Variants in DDX51 observed in about 807,000 individuals in gnomAD.
DDX51 encodes DEAD-box helicase 51.
DDX51 carries 67 observed loss-of-function variants against 74.6 expected under a neutral mutation model. That is an observed-to-expected ratio of 0.90 (90% confidence interval 0.74 to 1.10). The LOEUF is 1.10. Among genes scored for constraint, DDX51 ranks in the 50% least tolerant of loss-of-function variants. The pLI, the probability that DDX51 is intolerant of heterozygous loss-of-function variation, is 0.00. For synonymous variants in DDX51, 545 were observed against 402.9 expected, an observed-to-expected ratio of 1.35 and a Z score of -4.22; for missense variants, 1,056 against 905.2, an observed-to-expected ratio of 1.17 and a Z score of -2.14.
In DDX51 at chr12:132,143,912, G is replaced by A. The variant is rs1209753456; in HGVS notation, c.305-3C>T. 2.0e-6 allele frequency: 3 copies of A among 1,515,580 alleles called. No individual in the cohort carries two copies. Among genetic ancestry groups the A allele is most frequent in the South Asian group, 1.2e-5 (1 of 82,358 alleles). 93.9% of individuals were successfully genotyped at this position (1,515,580 alleles called of 1,614,324 possible). On this transcript the variant is annotated splice_polypyrimidine_tract_variant and splice_region_variant and intron_variant, in intron 1 of 14. Coordinates refer to ENST00000397333, the MANE Select transcript of DDX51 (RefSeq NM_175066.4). ...CCCTGGCGCCTCCTCGTTGCTTTCTGCGAGGCAGACACCCACCCGGCAGCG... is the reference window on the plus strand; with the variant it reads ...CCCTGGCGCCTCCTCGTTGCTTTCTACGAGGCAGACACCCACCCGGCAGCG...
Position 132,143,998 on chromosome 12 carries a change from C to T in DDX51, c.299G>A (p.Gly100Asp), listed in dbSNP as rs1163712309. The T allele has an allele frequency of 4.3e-6, 6 of 1,389,340 alleles. No individual in the cohort carries two copies. Among genetic ancestry groups the T allele is most frequent in the Non-Finnish European group, 3.7e-6 (4 of 1,077,322 alleles). 86.1% of individuals were successfully genotyped at this position (1,389,340 alleles called of 1,614,324 possible). ...KRRKADGEDA[G>D]AESNEEAPGE... ...CCGCTCGCCCCGCGGCCCACCTGCG[C>T]CCGCGTCCTCGCCGTCCGCCTTCCG... The change falls in exon 1 of 15, where the codon GGC (glycine) becomes GAC (aspartate). Residue 100 changes from glycine (G) to aspartate (D), a missense_variant. Coordinates refer to ENST00000397333, the MANE Select transcript of DDX51 (RefSeq NM_175066.4).
intron 6 of DDX51, 76 bp downstream of exon 6, chr12:132,141,766 CCTCCTCTG>C (rs1897473027): frequency 6.6e-7 from 1 of 1,514,120 alleles, no homozygotes; most frequent in Non-Finnish European, 9.1e-7. Context: ...GATGGTGGCC[CCTCCTCTG>C]CTCCCACGGT....
In DDX51 at chr12:132,141,848, AC is replaced by A. The variant is rs753397339; in HGVS notation, c.995+1del. 2 of 1,612,896 alleles carry A rather than the reference AC, an allele frequency of 1.2e-6. No homozygotes were observed. Among genetic ancestry groups the A allele is most frequent in the Non-Finnish European group, 1.7e-6 (2 of 1,179,896 alleles). Reference sequence around the variant, plus strand: ...AAAAACCCGCACCCTGACACAACCTACGTTTTCTGGACGAGGCTCTCCTGCT... The same window carrying A: ...AAAAACCCGCACCCTGACACAACCTAGTTTTCTGGACGAGGCTCTCCTGCT... On this transcript the variant is annotated splice_donor_variant, in intron 6 of 14. Coordinates refer to ENST00000397333, the MANE Select transcript of DDX51 (RefSeq NM_175066.4). LOFTEE classifies it high-confidence loss of function.
rs762125079 is a variant in DDX51, at chr12:132,139,288, T to C, written c.1985A>G (p.Lys662Arg). The C allele has an allele frequency of 1.9e-6, 3 of 1,608,964 alleles. No individual in the cohort carries two copies. In the Admixed American group the frequency reaches 5.0e-5, roughly 27 times the overall value. ...AGCCCCAGCCTAGGCCGCCCTCTGC[T>C]TGCGCTCTTCCTGTGGAGGAAAGGG... ...QLEESVKEER[K>R]QRAA The change falls in exon 15 of 15, where the codon AAG becomes AGG. Residue 662 changes from lysine to arginine, a missense_variant. By Grantham distance (26) the Lys-to-Arg change is conservative. Coordinates refer to ENST00000397333, the MANE Select transcript of DDX51 (RefSeq NM_175066.4).
Position 132,144,297 on chromosome 12 carries a change from G to A in DDX51, c.-1C>T. On this transcript the variant is annotated 5_prime_UTR_variant, in exon 1 of 15. Coordinates refer to ENST00000397333, the MANE Select transcript of DDX51 (RefSeq NM_175066.4). Reference sequence around the variant, plus strand: ...ACCGCGCGACGTAGAACAGCGCCATGGCCAGCCGCACGCCTGGGACTCGGG... The same window carrying A: ...ACCGCGCGACGTAGAACAGCGCCATAGCCAGCCGCACGCCTGGGACTCGGG... 7 of 1,334,844 alleles carry A rather than the reference G, an allele frequency of 5.2e-6. No homozygotes were observed. In the East Asian group the frequency reaches 1.9e-4, roughly 36 times the overall value. The allele number at this position is 1,334,844 out of a possible 1,614,324, so 82.7% of individuals were successfully genotyped here. A position where few individuals can be genotyped will look rare whatever the true frequency, so the allele number is the denominator to read the frequency against.
chr12:132,140,636 G>A lies in DDX51; in HGVS notation c.1540C>T (p.Arg514Ter), dbSNP rs770732465. The A allele has an allele frequency of 6.2e-7, 1 of 1,612,922 alleles. No homozygotes were observed. The highest frequency in any genetic ancestry group is 8.5e-7 in the Non-Finnish European group (1 of 1,180,018). The change falls in exon 10 of 15, where the codon CGA becomes TGA. Residue 514 changes from arginine (R) to a stop codon, truncating the protein, a stop_gained. Coordinates refer to ENST00000397333, the MANE Select transcript of DDX51 (RefSeq NM_175066.4). LOFTEE classifies it high-confidence loss of function. ...FSRVLCFTNSRENSHRLFLLV... is the reference protein window; with the variant it reads ...FSRVLCFTNS ...GGGCCTCACCTGTGGGAGTTCTCTC[G>A]GGAGTTAGTGAAGCAGAGAACCCTC...
Position 132,142,339 on chromosome 12 carries a change from G to A in DDX51, c.754C>T (p.Leu252Phe), listed in dbSNP as rs752721316. ...CTGCCTGTTGGGGCAGAAACACAGA[G>A]GTCGCTAGGCCGGTAGCCACCTCTG... ...VGRGGYRPSDLCVSAPTGSGK... is the reference protein window; with the variant it reads ...VGRGGYRPSDFCVSAPTGSGK... The change falls in exon 4 of 15, where the codon CTC becomes TTC. Residue 252 changes from leucine to phenylalanine, a missense_variant. Leu to Phe is a conservative substitution (Grantham distance 22, BLOSUM62 0). Coordinates refer to ENST00000397333, the MANE Select transcript of DDX51 (RefSeq NM_175066.4). The A allele has an allele frequency of 1.2e-6, 2 of 1,613,068 alleles. No homozygotes were observed. The highest frequency in any genetic ancestry group is 2.2e-5 in the East Asian group (1 of 44,886).
rs913201259 is a variant in DDX51 at position 132,137,422 on chromosome 12, G to C, written c.*1850C>G. 6.6e-6 allele frequency: 1 copy of C among 151,444 alleles called. No homozygotes were observed. Among genetic ancestry groups the C allele is most frequent in the Admixed American group, 6.6e-5 (1 of 15,266 alleles). 9.4% of individuals were successfully genotyped at this position (151,444 alleles called of 1,614,324 possible). The stretch of plus-strand genomic sequence containing the variant: ...TTTTTGAGCTGCTTTTTGTTAAAAG[G>C]CAAATTTTCTGCTGGGGACTGGCTT... On this transcript the variant is annotated 3_prime_UTR_variant, in exon 15 of 15. Coordinates refer to ENST00000397333, the MANE Select transcript of DDX51 (RefSeq NM_175066.4).
At position 132,139,218 on chromosome 12, in the gene DDX51, G is replaced by A; in HGVS notation, c.*54C>T. ...GGATCCAGTGATCAGCACTGCTCTG[G>A]AAGGAGGGTCAGGGTGGTGAGCGTT... On this transcript the variant is annotated 3_prime_UTR_variant, in exon 15 of 15. Transcript: ENST00000397333. 1 of 1,593,002 alleles carries A rather than the reference G, an allele frequency of 6.3e-7. No homozygotes were observed. The highest frequency in any genetic ancestry group is 1.7e-5 in the Admixed American group (1 of 58,328).
Position 132,143,893 on chromosome 12 carries a change from C to G in DDX51, c.321G>C (p.Ala107=). ...EDAGAESNEE[A]PGEPSAGSSE... ...TGCTCCCTGCGCTGGGCTCCCCTGGCGCCTCCTCGTTGCTTTCTGCGAGGC... is the reference window on the plus strand; with the variant it reads ...TGCTCCCTGCGCTGGGCTCCCCTGGGGCCTCCTCGTTGCTTTCTGCGAGGC... Residue 107 remains alanine (A), a synonymous_variant, in exon 2 of 15, where the codon GCG becomes GCC. Transcript: ENST00000397333. The G allele has an allele frequency of 1.3e-6, 2 of 1,521,770 alleles. No individual in the cohort carries two copies. The highest frequency in any genetic ancestry group is 1.8e-6 in the Non-Finnish European group (2 of 1,142,350). 94.3% of individuals were successfully genotyped at this position (1,521,770 alleles called of 1,614,324 possible).
In DDX51 at chr12:132,137,467, A is replaced by G. The variant is rs986764664; in HGVS notation, c.*1805T>C. On this transcript the variant is annotated 3_prime_UTR_variant, in exon 15 of 15. Transcript: ENST00000397333. ...TGGCTTTACCCCGTCTACCTAAATC[A>G]TTTCTTTCTGCCTCCTGTAACAGTC... 5.9e-5 allele frequency: 9 copies of G among 152,154 alleles called. No homozygotes were observed. The highest frequency in any genetic ancestry group is 1.3e-4 in the Non-Finnish European group (9 of 68,034). 9.4% of individuals were successfully genotyped at this position (152,154 alleles called of 1,614,324 possible).
chr12:132,140,652 G>T lies in DDX51; in HGVS notation c.1524C>A (p.Leu508=). The T allele has an allele frequency of 6.2e-7, 1 of 1,612,952 alleles. No individual in the cohort carries two copies. The highest frequency in any genetic ancestry group is 1.1e-5 in the South Asian group (1 of 91,082). ...LVLEMGFSRV[L]CFTNSRENSH... ...AGTTCTCTCGGGAGTTAGTGAAGCA[G>T]AGAACCCTCGAGAAGCCCATCTCCA... The change falls in exon 10 of 15, where the codon CTC becomes CTA. Residue 508 remains leucine, a synonymous_variant. Coordinates refer to ENST00000397333, the MANE Select transcript of DDX51 (RefSeq NM_175066.4).
In DDX51 at chr12:132,141,552, C is replaced by A. The variant is rs61756266; in HGVS notation, c.1050G>T (p.Leu350=). 6.2e-7 allele frequency: 1 copy of A among 1,604,716 alleles called. No individual in the cohort carries two copies. The highest frequency in any genetic ancestry group is 1.3e-5 in the African/African-American group (1 of 74,958). Residue 350 remains leucine (L), a synonymous_variant, in exon 7 of 15, where the codon CTG becomes CTT. Transcript: ENST00000397333. ...CTGGGGTCTGGTCGATGTGGTCCACCAGGCGGCCGGGGGTGGCTACCACGA... is the reference window on the plus strand; with the variant it reads ...CTGGGGTCTGGTCGATGTGGTCCACAAGGCGGCCGGGGGTGGCTACCACGA... ...ADIVVATPGR[L]VDHIDQTPGF... is the part of the protein sequence containing the mutation.
At chr12:132,141,116 G>C in intron 8 of DDX51, 96 bp from the exon 9 acceptor site, 1 of 1,501,796 alleles carries the variant, frequency 6.7e-7, no homozygotes, top group Non-Finnish European at 8.9e-7. Flanking sequence ...AGAGACTGCC[G>C]CAGACCAGGA....
Position 132,139,665 on chromosome 12 carries a change from C to T in DDX51, c.1944G>A (p.Glu648=), listed in dbSNP as rs746043349. The T allele has an allele frequency of 6.2e-7, 1 of 1,613,102 alleles. No individual in the cohort carries two copies. Among genetic ancestry groups the T allele is most frequent in the East Asian group, 2.2e-5 (1 of 44,872 alleles). ...CAGACTCCTCCAGCTGGGACAGGGC[C>T]TCCTCGTACCGAGGAACCAGCGGCT... ...LLQPLVPRYE[E]ALSQLEESVK... is the part of the protein sequence containing the mutation. Residue 648 remains glutamate, a synonymous_variant, in exon 14 of 15, where the codon GAG becomes GAA. Coordinates refer to ENST00000397333, the MANE Select transcript of DDX51 (RefSeq NM_175066.4).
Position 132,141,842 on chromosome 12 carries a change from C to G in DDX51, c.995+8G>C. 1 of 1,612,960 alleles carries G rather than the reference C, an allele frequency of 6.2e-7. No homozygotes were observed. Among genetic ancestry groups the G allele is most frequent in the South Asian group, 1.1e-5 (1 of 91,086 alleles). On this transcript the variant is annotated splice_region_variant and intron_variant, in intron 6 of 14. Transcript: ENST00000397333. The stretch of plus-strand genomic sequence containing the variant: ...CCCCTGAAAAACCCGCACCCTGACA[C>G]AACCTACGTTTTCTGGACGAGGCTC...
At position 132,136,732 on chromosome 12, in the gene DDX51, C is replaced by T. The variant is rs1194464837; in HGVS notation, c.*2540G>A. On this transcript the variant is annotated 3_prime_UTR_variant, in exon 15 of 15. Coordinates refer to ENST00000397333, the MANE Select transcript of DDX51 (RefSeq NM_175066.4). The stretch of plus-strand genomic sequence containing the variant: ...CCAGGCTGCAGTGCAGTGGGCTGAT[C>T]TTGGCCCACTGCAACCTCCACCTCC... 6.6e-6 allele frequency: 1 copy of T among 152,280 alleles called. No homozygotes were observed. The highest frequency in any genetic ancestry group is 1.5e-5 in the Non-Finnish European group (1 of 68,146). 9.4% of individuals were successfully genotyped at this position (152,280 alleles called of 1,614,324 possible).
intron 2 of DDX51, chr12:132,143,081 T>G: frequency 1.6e-6 from 1 of 633,644 alleles, no homozygotes; most frequent in Non-Finnish European, 2.7e-6. Context: ...ACTCACTCTG[T>G]AGCCTCCCAT....
chr12:132,137,865 ACT>A lies in DDX51; in HGVS notation c.*1405_*1406del, dbSNP rs1316415678. The A allele has an allele frequency of 2.0e-5, 3 of 151,484 alleles. No individual in the cohort carries two copies. Among genetic ancestry groups the A allele is most frequent in the African/African-American group, 7.3e-5 (3 of 40,882 alleles). 9.4% of individuals were successfully genotyped at this position (151,484 alleles called of 1,614,324 possible). A position where few individuals can be genotyped will look rare whatever the true frequency, so the allele number is the denominator to read the frequency against. ...CCCAAAACAAACCCACACACTGGCC[ACT>A]GTGTCCCCAGCCCCAACCCCCACCA... On this transcript the variant is annotated 3_prime_UTR_variant, in exon 15 of 15. Transcript: ENST00000397333.
Sources: gnomAD v4.1 joint callset for allele counts on GRCh38, gnomAD v4.1.1 for gene constraint, MANE v1.5 for transcripts, NCBI Gene and HGNC (gene_info 2026-07-23, HGNC 2026-07-21) for gene names.